Variants in CLEC2A observed in about 807,000 individuals in gnomAD.
The protein encoded by CLEC2A is C-type lectin domain family 2 member A, also known as keratinocyte-associated C-type lectin.
CLEC2A carries 19 observed loss-of-function variants against 18.6 expected under a neutral mutation model. The ratio of observed to expected loss-of-function variants is 1.02; its 90% confidence interval spans 0.71 to 1.50. CLEC2A has a LOEUF of 1.50. Among genes scored for constraint, CLEC2A ranks in the 40% most tolerant of loss-of-function variants. CLEC2A has a pLI of 0.00. For missense variants in CLEC2A, 190 were observed against 207.9 expected, an observed-to-expected ratio of 0.91 and a Z score of 0.53; for synonymous variants, 74 against 64.0, an observed-to-expected ratio of 1.16 and a Z score of -0.75.
At chr12:9,898,348 G>C (rs1862780678), downstream of CLEC2A, among the ~76,000 whole-genome samples, 1 of 152,168 alleles carries the variant, frequency 6.6e-6, no homozygotes, top group Non-Finnish European at 1.5e-5. Flanking sequence ...AAACTCATCA[G>C]ATCACCACAT....
At chr12:9,879,581 T>C in the CLEC2A span, among the ~76,000 whole-genome samples, 77,285 of 152,060 alleles carry the variant, frequency 0.51, 21,246 homozygotes, top group Non-Finnish European at 0.63. Flanking sequence ...TCAGCTCTCC[T>C]GATCTCTGTT....
downstream of CLEC2A, among the ~76,000 whole-genome samples, chr12:9,898,324 C>T (rs116672783): frequency 9.4e-3 from 1,426 of 152,326 alleles, 18 homozygotes; most frequent in African/African-American, 0.032. Context: ...AACTGACCCT[C>T]AAGTGAGGAA....
downstream of CLEC2A, among the ~76,000 whole-genome samples, chr12:9,910,436 C>T (rs1304080093): frequency 6.6e-6 from 1 of 152,190 alleles, no homozygotes; most frequent in Non-Finnish European, 1.5e-5. Flanking sequence ...GGCTCAACCT[C>T]TCCTACTAGA....
chr12:9,923,948 G>A (rs1863219313), intron 2 of CLEC2A, among the ~76,000 whole-genome samples: 1 of 151,812 alleles, frequency 6.6e-6, no homozygotes, highest in Non-Finnish European at 1.5e-5. Context: ...GAGTGGGGAG[G>A]GATAGCCCCC....
At chr12:9,895,636 A>T, downstream of CLEC2A, 1 of 1,455,348 alleles carries the variant, frequency 6.9e-7, no homozygotes, top group African/African-American at 1.5e-5. Flanking sequence ...ACTTTAAAAG[A>T]TACTATTATC....
At chr12:9,908,455 C>A (rs922101605), downstream of CLEC2A, among the ~76,000 whole-genome samples, 1 of 152,096 alleles carries the variant, frequency 6.6e-6, no homozygotes, top group Non-Finnish European at 1.5e-5. Flanking sequence ...CTCCCTTTAC[C>A]CCTGAGACAG....
chr12:9,914,644 G>T (rs1325056365), intron 4 of CLEC2A, among the ~76,000 whole-genome samples: 1 of 152,108 alleles, frequency 6.6e-6, no homozygotes, highest in Non-Finnish European at 1.5e-5. Context: ...ATGGCGCTGG[G>T]AAAACTGGCT....
chr12:9,881,358 T>G, the CLEC2A span: 1 of 421,468 alleles, frequency 2.4e-6, no homozygotes, highest in East Asian at 3.9e-5. Flanking sequence ...ACTAGCTACC[T>G]TTACCTTGAA....
intron 3 of CLEC2A, among the ~76,000 whole-genome samples, chr12:9,919,825 G>C (rs1863135267): frequency 6.6e-6 from 1 of 152,200 alleles, no homozygotes; most frequent in African/African-American, 2.4e-5. Context: ...TGAGCTCTGT[G>C]CCAGGGAGGT....
chr12:9,882,051 TC>T, the CLEC2A span, among the ~76,000 whole-genome samples: 1 of 151,974 alleles, frequency 6.6e-6, no homozygotes, highest in East Asian at 1.9e-4. Context: ...ATATTTTTAA[TC>T]TTCGTAAAAG....
At chr12:9,906,475 T>G (rs1301025031) in intron 4 of CLEC2A, among the ~76,000 whole-genome samples, 1 of 152,188 alleles carries the variant, frequency 6.6e-6, no homozygotes, top group African/African-American at 2.4e-5. Context: ...CTTGGGTGAT[T>G]AACTCTTTGT....
the CLEC2A span, among the ~76,000 whole-genome samples, chr12:9,887,159 G>T: frequency 6.6e-6 from 1 of 152,130 alleles, no homozygotes; most frequent in South Asian, 2.1e-4. Context: ...AATGAAAAAA[G>T]TAATATAAAC....
At chr12:9,891,061 T>G in the CLEC2A span, among the ~76,000 whole-genome samples, 1 of 151,510 alleles carries the variant, frequency 6.6e-6, no homozygotes, top group Non-Finnish European at 1.5e-5. Flanking sequence ...TTTTTTTTTT[T>G]GCCCTTTATT....
chr12:9,924,587 T>G (rs746947127), intron 2 of CLEC2A, among the ~76,000 whole-genome samples: 2 of 152,164 alleles, frequency 1.3e-5, no homozygotes, highest in Non-Finnish European at 2.9e-5. Flanking sequence ...GCTCAGGAAT[T>G]AAATTCTACC....
At chr12:9,896,837 A>G (rs1862761728), downstream of CLEC2A, among the ~76,000 whole-genome samples, 1 of 151,648 alleles carries the variant, frequency 6.6e-6, no homozygotes, top group Non-Finnish European at 1.5e-5. Context: ...ATCAGAACAC[A>G]ACACGAGATA....
chr12:9,925,284 T>G (rs1283942120), intron 2 of CLEC2A, among the ~76,000 whole-genome samples: 2 of 152,198 alleles, frequency 1.3e-5, no homozygotes, highest in East Asian at 3.8e-4. Flanking sequence ...GCATTCCAAC[T>G]AATAGAAATA....
chr12:9,907,593 T>G (rs758287048), intron 4 of CLEC2A, among the ~76,000 whole-genome samples: 4 of 152,170 alleles, frequency 2.6e-5, no homozygotes, highest in Non-Finnish European at 5.9e-5. Context: ...CTTCCCCTTG[T>G]AAATGGTTAA....
rs557612728 is a variant in CLEC2A, at chr12:9,917,333, A to G, written c.307-530T>C. ...TCATCACCCAAGTATTAAGCCCACT[A>G]ACCAATAGTTATATCTGTCATATCT... On this transcript the variant is annotated intron_variant, in intron 3 of 4. Transcript: ENST00000455827. Among the ~76,000 whole-genome samples the G allele has an allele frequency of 1.1e-4, 17 of 152,296 alleles. No homozygotes were observed. In the East Asian group the frequency reaches 2.7e-3, roughly 24 times the overall value.
chr12:9,921,079 A>G (rs891316784), intron 3 of CLEC2A, among the ~76,000 whole-genome samples: 1 of 152,208 alleles, frequency 6.6e-6, no homozygotes, highest in African/African-American at 2.4e-5. Context: ...GCTGGGTTAC[A>G]TAACATTTCT....
Sources: gnomAD v4.1 joint callset for allele counts (sites outside exome capture counted in the v4.1 genomes callset) on GRCh38, gnomAD v4.1.1 for gene constraint, MANE v1.5 for transcripts, NCBI Gene and HGNC (gene_info 2026-07-23, HGNC 2026-07-21) for gene names.